The following PTK2B variants were observed in gnomAD, a reference collection of about 807,000 sequenced individuals.
The protein encoded by PTK2B is protein-tyrosine kinase 2-beta.
A neutral mutation model predicts 142.9 loss-of-function variants in PTK2B; 71 were observed. That is an observed-to-expected ratio of 0.50 (90% CI 0.41 to 0.61). The LOEUF (loss-of-function observed/expected upper bound fraction) is 0.61. Ranked by LOEUF, PTK2B falls within the 20% of genes least tolerant of loss-of-function variation. The pLI is 0.00. For missense variants in PTK2B, 1,105 were observed against 1,320.4 expected, an observed-to-expected ratio of 0.84 and a Z score of 2.53; for synonymous variants, 519 against 503.4, an observed-to-expected ratio of 1.03 and a Z score of -0.42.
chr8:27,328,655 C>A (rs751849331), intron 1 of PTK2B, among the ~76,000 whole-genome samples: 7 of 152,162 alleles, frequency 4.6e-5, no homozygotes, highest in Non-Finnish European at 8.8e-5. Flanking sequence ...AATGAGCCTG[C>A]ACTTGGACAT....
chr8:27,440,170 G>A (rs1350489394), intron 20 of PTK2B, 67 bp from the exon 21 acceptor site: 26 of 1,506,360 alleles, frequency 1.7e-5, no homozygotes, highest in Non-Finnish European at 2.1e-5. Context: ...TGCTAATGGC[G>A]ATGGTGCTTC....
chr8:27,397,106 T>C (rs1431555243), intron 1 of PTK2B, among the ~76,000 whole-genome samples: 2 of 152,238 alleles, frequency 1.3e-5, no homozygotes, highest in Non-Finnish European at 2.9e-5. Flanking sequence ...AATCTGTTTC[T>C]TCTCAGATTT....
intron 28 of PTK2B, among the ~76,000 whole-genome samples, chr8:27,453,576 G>T (rs190029818): frequency 3.8e-4 from 58 of 152,230 alleles, no homozygotes; most frequent in Admixed American, 7.2e-4. Flanking sequence ...ATCACCCAAG[G>T]AGCTTTGAAA....
intron 1 of PTK2B, among the ~76,000 whole-genome samples, chr8:27,344,213 G>T (rs1399750198): frequency 6.6e-6 from 1 of 152,048 alleles, no homozygotes; most frequent in African/African-American, 2.4e-5. Flanking sequence ...CCAGCATGAG[G>T]TTGGAACTGA....
intron 1 of PTK2B, among the ~76,000 whole-genome samples, chr8:27,370,994 CA>C (rs900220157): frequency 5.9e-5 from 9 of 152,090 alleles, no homozygotes; most frequent in African/African-American, 1.4e-4. Flanking sequence ...CTCCTGGGTT[CA>C]AATGATCCTT....
intron 2 of PTK2B, among the ~76,000 whole-genome samples, chr8:27,400,139 A>T (rs1482892333): frequency 1.3e-5 from 2 of 152,224 alleles, no homozygotes; most frequent in African/African-American, 4.8e-5. Flanking sequence ...GTGTTCTAAA[A>T]CAACAACATG....
At chr8:27,387,343 A>G (rs991697563) in intron 1 of PTK2B, among the ~76,000 whole-genome samples, 1 of 152,196 alleles carries the variant, frequency 6.6e-6, no homozygotes, top group African/African-American at 2.4e-5. Context: ...CAAGGGTGCA[A>G]ATGCTATGAA....
chr8:27,368,392 C>T (rs2130879213), intron 1 of PTK2B, among the ~76,000 whole-genome samples: 1 of 152,278 alleles, frequency 6.6e-6, no homozygotes, highest in Middle Eastern at 3.4e-3. Context: ...ACCCCGCCAC[C>T]ATCACTACCT....
At chr8:27,339,075 A>G (rs1223014297) in intron 1 of PTK2B, among the ~76,000 whole-genome samples, 1 of 152,220 alleles carries the variant, frequency 6.6e-6, no homozygotes, top group African/African-American at 2.4e-5. Context: ...AAGACACTGT[A>G]TTTTCTGTCG....
chr8:27,435,514 A>T (rs1233550212), intron 13 of PTK2B, among the ~76,000 whole-genome samples: 1 of 152,260 alleles, frequency 6.6e-6, no homozygotes, highest in Non-Finnish European at 1.5e-5. Flanking sequence ...AGATTAACCA[A>T]CTTGCCCTAA....
chr8:27,331,377 G>A (rs1461244961), intron 1 of PTK2B, among the ~76,000 whole-genome samples: 1 of 152,114 alleles, frequency 6.6e-6, no homozygotes, highest in East Asian at 1.9e-4. Flanking sequence ...TGCTCTTCTG[G>A]GGGTTCCCTT....
chr8:27,442,616 G>A (rs374910797), intron 21 of PTK2B, among the ~76,000 whole-genome samples: 3 of 152,194 alleles, frequency 2.0e-5, no homozygotes, highest in African/African-American at 7.2e-5. Context: ...GTTTGGGCTG[G>A]GACTGGCTCA....
chr8:27,452,584 A>AGT (rs1296567320), intron 27 of PTK2B: 1 of 152,544 alleles, frequency 6.6e-6, no homozygotes, highest in Non-Finnish European at 1.5e-5. Flanking sequence ...AAAAGAACAA[A>AGT]GTGTGCTGAG....
chr8:27,425,113 A>G (rs373567028), intron 5 of PTK2B, among the ~76,000 whole-genome samples: 8 of 151,986 alleles, frequency 5.3e-5, no homozygotes, highest in South Asian at 2.1e-4. Context: ...TTGTTATACT[A>G]TATAACATAT....
chr8:27,327,734 G>A (rs545666000), intron 1 of PTK2B, among the ~76,000 whole-genome samples: 4 of 152,266 alleles, frequency 2.6e-5, no homozygotes, highest in East Asian at 3.9e-4. Context: ...CAGAAAAAAC[G>A]ACATTAAATC....
At chr8:27,381,278 A>C (rs1807002202) in intron 1 of PTK2B, among the ~76,000 whole-genome samples, 1 of 152,220 alleles carries the variant, frequency 6.6e-6, no homozygotes, top group South Asian at 2.1e-4. Flanking sequence ...GAACATTAGC[A>C]CTTAGTCCTC....
Position 27,445,929 on chromosome 8 carries a change from C to A in PTK2B, c.2340+10C>A. The A allele has an allele frequency of 1.2e-6, 2 of 1,612,908 alleles. No individual in the cohort carries two copies. Among genetic ancestry groups the A allele is most frequent in the Non-Finnish European group, 1.7e-6 (2 of 1,180,010 alleles). On this transcript the variant is annotated intron_variant, in intron 24 of 30. Transcript: ENST00000346049. Reference sequence around the variant, plus strand: ...ACGCCACAGCATGCGGGTAAGAGGGCTCTGCATGCTGGTCCCTGCCCGGAC... The same window carrying A: ...ACGCCACAGCATGCGGGTAAGAGGGATCTGCATGCTGGTCCCTGCCCGGAC...
chr8:27,404,508 G>A (rs1339109238), intron 2 of PTK2B, among the ~76,000 whole-genome samples: 1 of 152,152 alleles, frequency 6.6e-6, no homozygotes, highest in Admixed American at 6.5e-5. Context: ...TCCCCACCCA[G>A]TCTGGATGCA....
At chr8:27,335,704 G>A (rs1024805197) in intron 1 of PTK2B, among the ~76,000 whole-genome samples, 1 of 152,126 alleles carries the variant, frequency 6.6e-6, no homozygotes, top group Non-Finnish European at 1.5e-5. Flanking sequence ...GAGGGCACAG[G>A]AGCTGCCCTG....
Sources: allele counts gnomAD v4.1 joint callset (sites outside exome capture counted in the v4.1 genomes callset), GRCh38; gene constraint gnomAD v4.1.1; transcripts MANE v1.5; gene names NCBI Gene and HGNC (gene_info 2026-07-23, HGNC 2026-07-21).